TRIO: variants seen among roughly 807,000 people sequenced by gnomAD.
TRIO encodes the protein trio Rho guanine nucleotide exchange factor, also known as triple functional domain protein.
TRIO carries 58 observed loss-of-function variants against 351.9 expected under a neutral mutation model. The ratio of observed to expected loss-of-function variants is 0.16; its 90% CI spans 0.13 to 0.21. The LOEUF is 0.21. TRIO is among the 10% of genes least tolerant of loss of function. The pLI is 1.00. For synonymous variants in TRIO, 1,758 were observed against 1,595.7 expected (o/e 1.10, Z -2.42); for missense variants, 3,201 against 4,027.8 (o/e 0.79, Z 5.56).
Position 14,497,905 on chromosome 5 carries a change from G to C in TRIO, c.8047+31G>C, listed in dbSNP as rs757789896. On this transcript the variant is annotated intron_variant, in intron 51 of 56. Transcript: ENST00000344204. The surrounding 1 kb of genome is among the most constrained non-coding windows in gnomAD (Gnocchi z 4.4). Reference sequence around the variant, plus strand: ...TTCTGTTCTTTTTCTTCTAGTCCTAGAGATGATTCTAGACCTGTGGGGCAT... The same window carrying C: ...TTCTGTTCTTTTTCTTCTAGTCCTACAGATGATTCTAGACCTGTGGGGCAT... 3 of 1,614,006 alleles carry C rather than the reference G, an allele frequency of 1.9e-6. No individual in the cohort carries two copies. The highest frequency in any genetic ancestry group is 2.2e-5 in the East Asian group (1 of 44,898).
At chr5:14,390,583 G>A (rs1746983101) in intron 26 of TRIO, 2 of 534,934 alleles carry the variant, frequency 3.7e-6, no homozygotes, top group Admixed American at 7.3e-5. Context: ...TCCTTCTGGG[G>A]GATCGTCTAG....
chr5:14,402,256 G>T (rs577787665), intron 31 of TRIO, among the ~76,000 whole-genome samples: 44 of 152,172 alleles, frequency 2.9e-4, no homozygotes, highest in Non-Finnish European at 4.4e-5. Flanking sequence ...GATGCCAAAA[G>T]GTGCTTCCAA....
intron 2 of TRIO, among the ~76,000 whole-genome samples, chr5:14,275,666 C>G (rs997986537): frequency 6.6e-6 from 1 of 150,912 alleles, no homozygotes; most frequent in Non-Finnish European, 1.5e-5. Context: ...TTCTTCTCCC[C>G]GAGATAAACA....
intron 19 of TRIO, among the ~76,000 whole-genome samples, chr5:14,376,626 G>A (rs1308442678): frequency 6.6e-6 from 1 of 152,212 alleles, no homozygotes; most frequent in Non-Finnish European, 1.5e-5. Flanking sequence ...CATTTTTGAA[G>A]TTAATTTGAC....
At position 14,479,356 on chromosome 5, in the gene TRIO, A is replaced by G. The variant is rs1272538523; in HGVS notation, c.6243+6A>G. The G allele has an allele frequency of 6.3e-7, 1 of 1,598,354 alleles. No individual in the cohort carries two copies. The highest frequency in any genetic ancestry group is 8.6e-7 in the Non-Finnish European group (1 of 1,169,580). Reference sequence around the variant, plus strand: ...ACATTGATACCTTTTTTGAGGTAAGACCTAAGATACAAACAGAAAGTATTT... The same window carrying G: ...ACATTGATACCTTTTTTGAGGTAAGGCCTAAGATACAAACAGAAAGTATTT... On this transcript the variant is annotated splice_donor_region_variant and intron_variant, in intron 42 of 56. Coordinates refer to ENST00000344204, the MANE Select transcript of TRIO (RefSeq NM_007118.4).
Position 14,487,809 on chromosome 5 carries a change from C to T in TRIO, c.7181C>T (p.Pro2394Leu), listed in dbSNP as rs766530950. Residue 2394 changes from proline (P) to leucine (L), a missense_variant, in exon 48 of 57, where the codon CCC becomes CTC. Coordinates refer to ENST00000344204, the MANE Select transcript of TRIO (RefSeq NM_007118.4). ...EAGPSAPSRR[P>L]PGADAEGSER... ...GGCCCCAGCGCGCCCAGCAGGCGGC[C>T]CCCCGGCGCGGACGCCGAGGGGTCC... 1 of 1,422,732 alleles carries T rather than the reference C, an allele frequency of 7.0e-7. No individual in the cohort carries two copies. The highest frequency in any genetic ancestry group is 1.4e-5 in the South Asian group (1 of 70,040). 88.1% of individuals were successfully genotyped at this position (1,422,732 alleles called of 1,614,324 possible).
chr5:14,365,948 T>C (rs10045146), intron 15 of TRIO, among the ~76,000 whole-genome samples: 171 of 152,256 alleles, frequency 1.1e-3, no homozygotes, highest in African/African-American at 3.8e-3. Flanking sequence ...TTCACAAACT[T>C]CCCCAGAGAC....
At position 14,315,123 on chromosome 5, in the gene TRIO, G is replaced by C. The variant is rs181151981; in HGVS notation, c.1501-1390G>C. Reference sequence around the variant, plus strand: ...AATTCTGCAGGGTCACTTGCCACCAGGTTTTGGTTTAAAGGCTCTCAGTGT... The same window carrying C: ...AATTCTGCAGGGTCACTTGCCACCACGTTTTGGTTTAAAGGCTCTCAGTGT... On this transcript the variant is annotated intron_variant, in intron 8 of 56. Transcript: ENST00000344204. Among the ~76,000 whole-genome samples the C allele has an allele frequency of 3.0e-4, 46 of 152,268 alleles. No individual in the cohort carries two copies. In the East Asian group the frequency reaches 4.8e-3, roughly 16 times the overall value.
chr5:14,490,684 A>C (rs891975792), intron 48 of TRIO: 1 of 407,332 alleles, frequency 2.5e-6, no homozygotes, highest in African/African-American at 2.1e-5. Context: ...GGTGGTGAGA[A>C]TTAAGCAGGA....
At chr5:14,379,795 A>G (rs1411003044) in intron 20 of TRIO, among the ~76,000 whole-genome samples, 1 of 152,250 alleles carries the variant, frequency 6.6e-6, no homozygotes, top group Admixed American at 6.5e-5. Flanking sequence ...CACCGAAAAT[A>G]AAATCCTGAA....
At chr5:14,496,272 G>C (rs935700730) in intron 49 of TRIO, among the ~76,000 whole-genome samples, 4 of 152,136 alleles carry the variant, frequency 2.6e-5, no homozygotes, top group Non-Finnish European at 5.9e-5. Flanking sequence ...AAGTCCCCAG[G>C]ACCTCTAAAA....
intron 48 of TRIO, 104 bp downstream of exon 48, chr5:14,488,364 TCCG>T (rs1756198964): frequency 1.4e-6 from 2 of 1,451,444 alleles, no homozygotes; most frequent in Non-Finnish European, 1.8e-6. Flanking sequence ...CCCAGCGCTC[TCCG>T]CCGCCCGTTG....
At chr5:14,306,356 A>G (rs892624679) in intron 8 of TRIO, among the ~76,000 whole-genome samples, 10 of 152,238 alleles carry the variant, frequency 6.6e-5, no homozygotes, top group East Asian at 1.9e-4. Context: ...AGCCTTTTCT[A>G]TAGTAAAACT....
chr5:14,460,891 G>A (rs929830552), intron 34 of TRIO, 128 bp from the exon 35 acceptor site: 2 of 1,133,216 alleles, frequency 1.8e-6, no homozygotes, highest in Non-Finnish European at 2.4e-6. Flanking sequence ...CTCACACCCC[G>A]TAGGCAAAGC....
chr5:14,389,871 C>T (rs1023376203), intron 25 of TRIO, among the ~76,000 whole-genome samples: 6 of 152,172 alleles, frequency 3.9e-5, no homozygotes, highest in African/African-American at 1.4e-4. Context: ...GTTAAAGCAG[C>T]GGCAGCAGAA....
chr5:14,507,040 C>G, intron 55 of TRIO, 82 bp from the exon 56 acceptor site: 3 of 1,472,994 alleles, frequency 2.0e-6, no homozygotes, highest in Non-Finnish European at 2.7e-6. Flanking sequence ...GGTGACAGGT[C>G]CGACATGTTT....
chr5:14,508,254 G>A lies in TRIO; in HGVS notation c.9126G>A (p.Ala3042=), dbSNP rs767498578. The change falls in exon 57 of 57, where the codon GCG becomes GCA. Residue 3042 remains alanine, a synonymous_variant. Transcript: ENST00000344204. ...QEDPAKRPSA[A]LALQEQWLQA... ...ACCCCGCCAAGCGTCCCTCGGCTGC[G>A]CTGGCCCTCCAGGAGCAGTGGCTGC... The A allele has an allele frequency of 1.7e-5, 28 of 1,614,024 alleles. No individual in the cohort carries two copies. The highest frequency in any genetic ancestry group is 2.2e-5 in the South Asian group (2 of 91,076).
intron 1 of TRIO, among the ~76,000 whole-genome samples, chr5:14,195,813 G>T (rs1279390699): frequency 1.3e-5 from 2 of 152,158 alleles, no homozygotes; most frequent in African/African-American, 4.8e-5. Context: ...AGGCTGGCCA[G>T]CGGGGACAGT....
chr5:14,470,170 G>C (rs1158489368), intron 37 of TRIO, among the ~76,000 whole-genome samples: 1 of 152,188 alleles, frequency 6.6e-6, no homozygotes, highest in African/African-American at 2.4e-5. Context: ...TCAGCAGTTG[G>C]TGTGTTTTTT....
Sources: allele counts gnomAD v4.1 joint callset (sites outside exome capture counted in the v4.1 genomes callset), GRCh38; gene constraint gnomAD v4.1.1; non-coding constraint Gnocchi (gnomAD v3.1); transcripts MANE v1.5; gene names NCBI Gene and HGNC (gene_info 2026-07-23, HGNC 2026-07-21).